Variants in CNTNAP5 observed in about 807,000 individuals in gnomAD.
The protein encoded by CNTNAP5 is contactin-associated protein-like 5.
In CNTNAP5, 72 loss-of-function variants were observed where a neutral mutation model predicts 150.2. That is an observed-to-expected ratio of 0.48 (90% CI 0.40 to 0.58). The LOEUF is 0.58. Ranked by LOEUF, CNTNAP5 falls within the 20% of genes least tolerant of loss-of-function variation. The pLI is 0.00. For synonymous variants in CNTNAP5, 672 were observed against 619.8 expected (o/e 1.08, Z -1.25); for missense variants, 1,636 against 1,626.2 (o/e 1.01, Z -0.10).
chr2:124,070,510 A>G (rs909062522), intron 1 of CNTNAP5, among the ~76,000 whole-genome samples: 1 of 151,738 alleles, frequency 6.6e-6, no homozygotes, highest in Non-Finnish European at 1.5e-5. Context: ...TAGATATTCT[A>G]TGCTAATGGA....
chr2:124,845,172 G>C (rs1683023166), intron 19 of CNTNAP5, among the ~76,000 whole-genome samples: 1 of 151,876 alleles, frequency 6.6e-6, no homozygotes, highest in Non-Finnish European at 1.5e-5. Context: ...ATTTTGCTGA[G>C]GGTTTTAATC....
At chr2:124,677,414 G>A (rs1031708271) in intron 13 of CNTNAP5, among the ~76,000 whole-genome samples, 2 of 152,318 alleles carry the variant, frequency 1.3e-5, no homozygotes, top group Non-Finnish European at 1.5e-5. Context: ...AGCATGGAAG[G>A]GGACCTGAGC....
At chr2:124,059,142 G>C (rs1043014261) in intron 1 of CNTNAP5, among the ~76,000 whole-genome samples, 5 of 152,016 alleles carry the variant, frequency 3.3e-5, no homozygotes, top group African/African-American at 7.2e-5. Context: ...GTTTTCAACA[G>C]CACTAACGCA....
intron 19 of CNTNAP5, among the ~76,000 whole-genome samples, chr2:124,838,867 T>G (rs923223911): frequency 6.6e-6 from 1 of 152,154 alleles, no homozygotes; most frequent in African/African-American, 2.4e-5. Flanking sequence ...AGATTAGTAT[T>G]TATTAACTAC....
intron 3 of CNTNAP5, among the ~76,000 whole-genome samples, chr2:124,358,058 T>C (rs1290629977): frequency 6.6e-6 from 1 of 152,100 alleles, no homozygotes; most frequent in East Asian, 1.9e-4. Context: ...TATTTTATTC[T>C]CTTTGAAGCA....
intron 1 of CNTNAP5, among the ~76,000 whole-genome samples, chr2:124,190,832 T>C (rs1429543190): frequency 2.0e-5 from 3 of 152,222 alleles, no homozygotes; most frequent in African/African-American, 7.2e-5. Flanking sequence ...GTAAATTCCA[T>C]GTCTGTGGGT....
intron 1 of CNTNAP5, among the ~76,000 whole-genome samples, chr2:124,049,149 G>A (rs565247235): frequency 1.4e-4 from 21 of 152,236 alleles, no homozygotes; most frequent in African/African-American, 4.3e-4. Flanking sequence ...CACTGTTAAC[G>A]TCCCTATGAT....
At position 124,912,403 on chromosome 2, in the gene CNTNAP5, G is replaced by A. The variant is rs537354134; in HGVS notation, c.3727+865G>A. On this transcript the variant is annotated intron_variant, in intron 23 of 23. Transcript: ENST00000682447. ...TGGGTCAGGCTCTGTGCTAAGTAGA[G>A]GAATATGGGGATGAATGAGCCAGCG... 7.2e-5 allele frequency among the ~76,000 whole-genome samples: 11 copies of A among 152,144 alleles called. No homozygotes were observed. The South Asian group carries it at 2.3e-3, about 32-fold the overall frequency.
At chr2:124,160,143 A>T (rs902663365) in intron 1 of CNTNAP5, among the ~76,000 whole-genome samples, 3 of 152,168 alleles carry the variant, frequency 2.0e-5, no homozygotes, top group Non-Finnish European at 2.9e-5. Flanking sequence ...AGGAGAGCAG[A>T]TGGTATAATT....
intron 7 of CNTNAP5, among the ~76,000 whole-genome samples, chr2:124,475,819 T>G (rs900670471): frequency 6.6e-6 from 1 of 152,110 alleles, no homozygotes; most frequent in Non-Finnish European, 1.5e-5. Context: ...AATAGTTGGG[T>G]CATGTTTTTT....
chr2:124,332,130 C>G (rs141788136), intron 3 of CNTNAP5, among the ~76,000 whole-genome samples: 15 of 151,772 alleles, frequency 9.9e-5, no homozygotes, highest in African/African-American at 3.6e-4. Context: ...ATAAATCTCT[C>G]TCTTCTACTT....
At chr2:124,688,283 C>T (rs777856437) in intron 13 of CNTNAP5, among the ~76,000 whole-genome samples, 1 of 151,840 alleles carries the variant, frequency 6.6e-6, no homozygotes, top group Non-Finnish European at 1.5e-5. Flanking sequence ...TTTAAAAAAA[C>T]GAATAGAATC....
At chr2:124,262,159 G>A (rs982818084) in intron 3 of CNTNAP5, among the ~76,000 whole-genome samples, 5 of 151,974 alleles carry the variant, frequency 3.3e-5, no homozygotes, top group African/African-American at 4.8e-5. Flanking sequence ...GTGGGAGAAT[G>A]GCTTAAGCCC....
intron 1 of CNTNAP5, among the ~76,000 whole-genome samples, chr2:124,080,038 A>G (rs2104673470): frequency 6.6e-6 from 1 of 152,376 alleles, no homozygotes; most frequent in East Asian, 1.9e-4. Flanking sequence ...TATAATCAAT[A>G]TATGAAGTAC....
At position 124,524,421 on chromosome 2, in the gene CNTNAP5, G is replaced by A. The variant is rs565369260; in HGVS notation, c.1446G>A (p.Gln482=). The part of the protein sequence containing the change: ...APPAPDSTWV[Q]IYSGNSYYFG... The stretch of plus-strand genomic sequence containing the variant: ...CGGCTCCAGACAGCACTTGGGTGCA[G>A]ATTTATTCTGGAAATAGCTACTATT... Residue 482 remains glutamine (Q), a synonymous_variant, in exon 9 of 24, where the codon CAG becomes CAA. Transcript: ENST00000682447. The A allele has an allele frequency of 6.2e-7, 1 of 1,613,354 alleles. No individual in the cohort carries two copies. The highest frequency in any genetic ancestry group is 1.1e-5 in the South Asian group (1 of 91,034).
In CNTNAP5 at chr2:124,096,701, A is replaced by ATTAT. The variant is rs975473410; in HGVS notation, c.82+70983_82+70986dup. Reference sequence around the variant, plus strand: ...AGCCAAATCTTCTTTTATTATTATTATTATTTATTTATTTATTATAGAGAC... The same window carrying ATTAT: ...AGCCAAATCTTCTTTTATTATTATTATTATTTATTTATTTATTTATTATAGAGAC... On this transcript the variant is annotated intron_variant, in intron 1 of 23. Coordinates refer to ENST00000682447, the MANE Select transcript of CNTNAP5 (RefSeq NM_001367498.1). Among the ~76,000 whole-genome samples, 11 of 151,490 alleles carry ATTAT rather than the reference A, an allele frequency of 7.3e-5. No individual in the cohort carries two copies. The East Asian group carries it at 1.7e-3, about 24-fold the overall frequency.
intron 1 of CNTNAP5, among the ~76,000 whole-genome samples, chr2:124,200,351 T>C (rs1685697033): frequency 6.6e-6 from 1 of 152,226 alleles, no homozygotes; most frequent in African/African-American, 2.4e-5. Context: ...TATTCATATA[T>C]ATTTCTTTTT....
intron 13 of CNTNAP5, among the ~76,000 whole-genome samples, chr2:124,737,460 G>A (rs891825322): frequency 6.6e-6 from 1 of 152,148 alleles, no homozygotes; most frequent in Non-Finnish European, 1.5e-5. Context: ...CAAAGAGCAT[G>A]TGCGAGGGCT....
chr2:124,270,292 G>C (rs899479602), intron 3 of CNTNAP5, among the ~76,000 whole-genome samples: 2 of 151,812 alleles, frequency 1.3e-5, no homozygotes, highest in South Asian at 2.1e-4. Flanking sequence ...CTGGATGGCT[G>C]AGCAAGACTC....
Sources: gnomAD v4.1 joint callset for allele counts (sites outside exome capture counted in the v4.1 genomes callset) on GRCh38, gnomAD v4.1.1 for gene constraint, MANE v1.5 for transcripts, NCBI Gene and HGNC (gene_info 2026-07-23, HGNC 2026-07-21) for gene names.